C1orf159: variants seen among roughly 807,000 people sequenced by gnomAD.
C1orf159 encodes the protein chromosome 1 open reading frame 159, also known as uncharacterized protein C1orf159.
C1orf159 carries 19 observed loss-of-function variants against 25.6 expected under a neutral mutation model. That is an observed-to-expected ratio of 0.74 (90% CI 0.52 to 1.09). C1orf159 has a LOEUF of 1.09. Ranked by LOEUF, C1orf159 falls within the 50% of genes least tolerant of loss-of-function variation. The probability of loss-of-function intolerance (pLI) is 0.00; values close to 1 mark genes in which losing one functional copy is unlikely to be tolerated. For missense variants in C1orf159, 274 were observed against 290.6 expected (o/e 0.94, Z 0.42); for synonymous variants, 139 against 124.7 (o/e 1.12, Z -0.77).
rs747926228 is a variant in C1orf159, at chr1:1,084,423, G to T, written c.472-40C>A. ...AAAGGCAGAGTGAGGACTCGGGATG[G>T]CCTGGCACAGGCACACGCGGCCAGG... On this transcript the variant is annotated intron_variant, in intron 8 of 9. Coordinates refer to ENST00000421241, the MANE Select transcript of C1orf159 (RefSeq NM_017891.5). 1.9e-6 allele frequency: 3 copies of T among 1,583,332 alleles called. No individual in the cohort carries two copies. The South Asian group carries it at 3.4e-5, about 18-fold the overall frequency.
intron 1 of C1orf159, among the ~76,000 whole-genome samples, chr1:1,100,350 G>A (rs777394897): frequency 1.3e-5 from 2 of 151,824 alleles, no homozygotes; most frequent in East Asian, 1.9e-4. Flanking sequence ...GTATACACAC[G>A]CTGCCCTTTA....
At chr1:1,093,499 G>A (rs894069162) in intron 1 of C1orf159, among the ~76,000 whole-genome samples, 70 of 152,356 alleles carry the variant, frequency 4.6e-4, no homozygotes, top group Admixed American at 3.6e-3. Flanking sequence ...GCCAGCACTC[G>A]CTGCGGCCCC....
rs1409543565 is a variant in C1orf159 at position 1,085,786 on chromosome 1, GC to G, written c.445+91del. 1.3e-6 allele frequency: 2 copies of G among 1,503,376 alleles called. 1 individual carries two copies. Among genetic ancestry groups the G allele is most frequent in the African/African-American group, 2.8e-5 (2 of 72,484 alleles). The allele number at this position is 1,503,376 out of a possible 1,614,324, so 93.1% of individuals were successfully genotyped here. On this transcript the variant is annotated intron_variant, in intron 7 of 9. Coordinates refer to ENST00000421241, the MANE Select transcript of C1orf159 (RefSeq NM_017891.5). ...TCCCGGCCTCTGCCAGCCTGCTCTG[GC>G]CTGGGACACTCCAGTCTCAGGCCCA...
At chr1:1,105,221 T>C (rs1191875651) in intron 1 of C1orf159, among the ~76,000 whole-genome samples, 1 of 152,224 alleles carries the variant, frequency 6.6e-6, no homozygotes, top group East Asian at 1.9e-4. Context: ...ATAGAAATTT[T>C]CAATTTAAGA....
intron 1 of C1orf159, among the ~76,000 whole-genome samples, chr1:1,114,060 G>A (rs1187433449): frequency 3.3e-5 from 5 of 152,072 alleles, no homozygotes; most frequent in Admixed American, 6.5e-5. Context: ...GGGACCACAG[G>A]CGCCCGCCAC....
intron 8 of C1orf159, 31 bp from the exon 9 acceptor site, chr1:1,084,414 C>A (rs925426812): frequency 6.3e-7 from 1 of 1,581,498 alleles, no homozygotes; most frequent in Non-Finnish European, 8.6e-7. Flanking sequence ...AGAGTGAGGA[C>A]TCGGGATGGC....
At chr1:1,107,901 G>T (rs1311820813) in intron 1 of C1orf159, among the ~76,000 whole-genome samples, 1 of 152,204 alleles carries the variant, frequency 6.6e-6, no homozygotes, top group Admixed American at 6.5e-5. Context: ...GAACCCACCA[G>T]AAGGAAGAAA....
At chr1:1,088,155 C>G (rs1322928597) in intron 4 of C1orf159, among the ~76,000 whole-genome samples, 2 of 111,876 alleles carry the variant, frequency 1.8e-5, no homozygotes, top group Non-Finnish European at 3.7e-5. Flanking sequence ...TCCCCCAAGA[C>G]CCCCCCCACG....
rs1041774165 is a variant in C1orf159 at position 1,082,591 on chromosome 1, G to A, written c.*302C>T. 4 of 430,728 alleles carry A rather than the reference G, an allele frequency of 9.3e-6. No individual in the cohort carries two copies. The highest frequency in any genetic ancestry group is 9.8e-5 in the East Asian group (2 of 20,362). The allele number at this position is 430,728 out of a possible 1,614,324, so 26.7% of individuals were successfully genotyped here. The stretch of plus-strand genomic sequence containing the variant: ...GATCGTGCCAGCTTTGGCTGCAGGC[G>A]CTGGGGCCTCACCGTGTTTCCTGGG... On this transcript the variant is annotated 3_prime_UTR_variant, in exon 10 of 10. Transcript: ENST00000421241.
At chr1:1,107,948 C>T (rs973918778) in intron 1 of C1orf159, among the ~76,000 whole-genome samples, 5 of 152,320 alleles carry the variant, frequency 3.3e-5, no homozygotes, top group South Asian at 2.1e-4. Context: ...GAACAAACTC[C>T]GGACACACCA....
intron 1 of C1orf159, among the ~76,000 whole-genome samples, chr1:1,096,056 T>C (rs1447089485): frequency 6.6e-6 from 1 of 152,218 alleles, no homozygotes; most frequent in Non-Finnish European, 1.5e-5. Context: ...TAGGCTATTG[T>C]TGGATTTCAC....
At chr1:1,095,913 T>C (rs1646003244) in intron 1 of C1orf159, among the ~76,000 whole-genome samples, 2 of 152,250 alleles carry the variant, frequency 1.3e-5, no homozygotes, top group African/African-American at 2.4e-5. Context: ...AAATGTCTTT[T>C]CTGCATCTAT....
At chr1:1,090,178 G>A (rs1645905117) in intron 4 of C1orf159, among the ~76,000 whole-genome samples, 175 bp downstream of exon 4, 1 of 152,210 alleles carries the variant, frequency 6.6e-6, no homozygotes, top group African/African-American at 2.4e-5. Flanking sequence ...CCGCCCGCCA[G>A]AAAGGAGGCT....
chr1:1,086,564 G>C (rs1645833461), intron 6 of C1orf159, among the ~76,000 whole-genome samples: 1 of 152,222 alleles, frequency 6.6e-6, no homozygotes, highest in Admixed American at 6.5e-5. Flanking sequence ...CCCCAACCCT[G>C]AGACACAGGC....
chr1:1,085,875 T>TA lies in C1orf159; in HGVS notation c.445+2dup. 1 of 1,612,994 alleles carries TA rather than the reference T, an allele frequency of 6.2e-7. No homozygotes were observed. Among genetic ancestry groups the TA allele is most frequent in the East Asian group, 2.2e-5 (1 of 44,876 alleles). ...GTGGGGCAGGTGCTGGTCCGGGAGA[T>TA]ACCTTTGTTTCTTCTGTAGCAGGCC... On this transcript the variant is annotated splice_region_variant and intron_variant, in intron 7 of 9. Transcript: ENST00000421241.
chr1:1,110,591 C>CTAAAGCCTCCACGACCAAACTAAA lies in C1orf159; in HGVS notation c.-136+5468_-136+5469insTTTAGTTTGGTCGTGGAGGCTTTA, dbSNP rs1646243412. Among the ~76,000 whole-genome samples, 2 of 152,188 alleles carry CTAAAGCCTCCACGACCAAACTAAA rather than the reference C, an allele frequency of 1.3e-5. No homozygotes were observed. The highest frequency in any genetic ancestry group is 4.8e-5 in the African/African-American group (2 of 41,418). On this transcript the variant is annotated intron_variant, in intron 1 of 9. Coordinates refer to ENST00000421241, the MANE Select transcript of C1orf159 (RefSeq NM_017891.5). The surrounding 1 kb of genome is among the most constrained non-coding windows in gnomAD (Gnocchi z 4.8). Reference sequence around the variant, plus strand: ...GCAAACTAAAGCCTCCACGACCAAACGGCACTCAGCCTCTCGGCTGTGGGG... The same window carrying CTAAAGCCTCCACGACCAAACTAAA: ...GCAAACTAAAGCCTCCACGACCAAACTAAAGCCTCCACGACCAAACTAAAGGCACTCAGCCTCTCGGCTGTGGGG...
At chr1:1,104,043 A>G (rs2100768184) in intron 1 of C1orf159, among the ~76,000 whole-genome samples, 1 of 152,138 alleles carries the variant, frequency 6.6e-6, no homozygotes, top group South Asian at 2.1e-4. Flanking sequence ...GCTGGAGTGC[A>G]GTGGCGCAAT....
At chr1:1,095,905 A>C (rs1646003184) in intron 1 of C1orf159, among the ~76,000 whole-genome samples, 1 of 152,144 alleles carries the variant, frequency 6.6e-6, no homozygotes, top group South Asian at 2.1e-4. Context: ...ATGTTTCCAA[A>C]TGTCTTTTCT....
intron 4 of C1orf159, 57 bp downstream of exon 4, chr1:1,090,296 A>G: frequency 4.0e-6 from 6 of 1,511,976 alleles, no homozygotes; most frequent in Non-Finnish European, 5.4e-6. Flanking sequence ...CCCTGGGCAC[A>G]CACACACCAG....
Sources: gnomAD v4.1 joint callset for allele counts (sites outside exome capture counted in the v4.1 genomes callset) on GRCh38, gnomAD v4.1.1 for gene constraint, Gnocchi (gnomAD v3.1) non-coding constraint, MANE v1.5 for transcripts, NCBI Gene and HGNC (gene_info 2026-07-23, HGNC 2026-07-21) for gene names.